The following PCNT variants were observed in gnomAD, a reference collection of about 807,000 sequenced individuals.
PCNT encodes the protein pericentrin.
PCNT carries 319 observed loss-of-function variants against 380.4 expected under a neutral mutation model. The observed-to-expected ratio is 0.84, with a 90% confidence interval of 0.77 to 0.92. The LOEUF is 0.92. PCNT is among the 40% of genes least tolerant of loss of function. The probability of loss-of-function intolerance (pLI) is 0.00; values close to 1 mark genes in which losing one functional copy is unlikely to be tolerated. For synonymous variants in PCNT, 1,845 were observed against 1,735.2 expected, an observed-to-expected ratio of 1.06 and a Z score of -1.57; for missense variants, 4,400 against 4,255.3, an observed-to-expected ratio of 1.03 and a Z score of -0.95.
At position 46,431,831 on chromosome 21, in the gene PCNT, T is replaced by C. The variant is rs2087776876; in HGVS notation, c.8367T>C (p.Ala2789=). 1 of 1,613,742 alleles carries C rather than the reference T, an allele frequency of 6.2e-7. No individual in the cohort carries two copies. Among genetic ancestry groups the C allele is most frequent in the Non-Finnish European group, 8.5e-7 (1 of 1,180,026 alleles). Residue 2789 remains alanine, a synonymous_variant, in exon 38 of 47, where the codon GCT becomes GCC. Transcript: ENST00000359568. Reference sequence around the variant, plus strand: ...ACCAGGACACACAGGCCCATCACGCTCTGCTGCAGAAGCTGAAGGAGGAGA... The same window carrying C: ...ACCAGGACACACAGGCCCATCACGCCCTGCTGCAGAAGCTGAAGGAGGAGA... ...CVHQDTQAHH[A]LLQKLKEEKS... is the part of the protein sequence containing the mutation.
At chr21:46,326,713 T>C (rs1295957709) in intron 2 of PCNT, 124 bp downstream of exon 2, 2 of 1,101,376 alleles carry the variant, frequency 1.8e-6, no homozygotes, top group African/African-American at 3.1e-5. Flanking sequence ...GGGTGTTATT[T>C]TAGTTTATAA....
At chr21:46,349,660 A>G (rs1180980603) in intron 7 of PCNT, 24 bp from the exon 8 acceptor site, 1 of 1,612,518 alleles carries the variant, frequency 6.2e-7, no homozygotes, top group Non-Finnish European at 8.5e-7. Context: ...TTGTAAACCA[A>G]GTGCCATTGC....
At chr21:46,351,377 G>C (rs1311255244) in intron 8 of PCNT, 52 bp from the exon 9 acceptor site, 1 of 936,610 alleles carries the variant, frequency 1.1e-6, no homozygotes, top group Admixed American at 1.7e-5. Flanking sequence ...CACTGCTGGG[G>C]TGGGGGCCTT....
chr21:46,331,243 A>T (rs921760887), intron 2 of PCNT, among the ~76,000 whole-genome samples: 15 of 152,058 alleles, frequency 9.9e-5, no homozygotes, highest in African/African-American at 3.6e-4. Context: ...TTCAGCCTTG[A>T]CCTCCCTGAC....
At chr21:46,362,108 C>T (rs1170361330) in intron 13 of PCNT, among the ~76,000 whole-genome samples, 1 of 152,210 alleles carries the variant, frequency 6.6e-6, no homozygotes, top group Non-Finnish European at 1.5e-5. Flanking sequence ...TCCCCTGCGT[C>T]TGTGCTGGGC....
chr21:46,343,916 A>G (rs1294502352), intron 3 of PCNT, among the ~76,000 whole-genome samples: 4 of 152,138 alleles, frequency 2.6e-5, no homozygotes, highest in African/African-American at 4.8e-5. Context: ...AAAGGTGTTC[A>G]TAGTGGCCTT....
chr21:46,397,985 T>A, intron 22 of PCNT, 29 bp from the exon 23 acceptor site: 1 of 1,530,648 alleles, frequency 6.5e-7, no homozygotes, highest in Non-Finnish European at 8.8e-7. Flanking sequence ...CCCGTTGGGG[T>A]GGTCCCAACA....
rs1333848489 is a variant in PCNT at position 46,387,563 on chromosome 21, G to A, written c.3465-1179G>A. On this transcript the variant is annotated intron_variant, in intron 17 of 46. Coordinates refer to ENST00000359568, the MANE Select transcript of PCNT (RefSeq NM_006031.6). ...GCTGCAGACGCCCTGATGCCTGCAG[G>A]AGTTGGGCATTTTGGGGGGTGGAAG... 3.3e-5 allele frequency among the ~76,000 whole-genome samples: 5 copies of A among 152,216 alleles called. No homozygotes were observed. The South Asian group carries it at 6.2e-4, about 19-fold the overall frequency.
chr21:46,429,762 C>T (rs1601182457), intron 35 of PCNT, among the ~76,000 whole-genome samples: 1 of 151,998 alleles, frequency 6.6e-6, no homozygotes, highest in African/African-American at 2.4e-5. Flanking sequence ...TAGGATGGCC[C>T]CAGGGCTATA....
chr21:46,335,168 A>G (rs1202001301), intron 3 of PCNT, among the ~76,000 whole-genome samples: 1 of 152,066 alleles, frequency 6.6e-6, no homozygotes. Flanking sequence ...TAGGCCTGGT[A>G]CCTCGTTTCT....
At chr21:46,352,476 C>T (rs1036155789) in intron 9 of PCNT, among the ~76,000 whole-genome samples, 1 of 152,156 alleles carries the variant, frequency 6.6e-6, no homozygotes, top group African/African-American at 2.4e-5. Flanking sequence ...TCTGTCCTGC[C>T]TCTCGGGACC....
chr21:46,370,509 G>T (rs2085082731), intron 15 of PCNT, among the ~76,000 whole-genome samples: 1 of 152,090 alleles, frequency 6.6e-6, no homozygotes, highest in Non-Finnish European at 1.5e-5. Context: ...GAGCCTGGGG[G>T]CTGACAGGGG....
intron 29 of PCNT, among the ~76,000 whole-genome samples, chr21:46,413,826 T>C (rs949541577): frequency 5.3e-5 from 8 of 152,176 alleles, no homozygotes; most frequent in African/African-American, 1.9e-4. Context: ...ACCTTGACCA[T>C]CTCAAATTGT....
intron 5 of PCNT, among the ~76,000 whole-genome samples, 171 bp downstream of exon 5, chr21:46,347,169 C>T (rs544257165): frequency 7.6e-4 from 116 of 152,300 alleles, no homozygotes; most frequent in Non-Finnish European, 1.3e-3. Flanking sequence ...AAAGGGGGCC[C>T]TTGGGTTTTT....
rs572321857 is a variant in PCNT at position 46,427,765 on chromosome 21, C to T, written c.7464C>T (p.Leu2488=). 5.0e-6 allele frequency: 8 copies of T among 1,613,632 alleles called. No homozygotes were observed. The highest frequency in any genetic ancestry group is 4.0e-5 in the African/African-American group (3 of 75,018). The change falls in exon 34 of 47, where the codon CTC becomes CTT. Residue 2488 remains leucine, a synonymous_variant. Coordinates refer to ENST00000359568, the MANE Select transcript of PCNT (RefSeq NM_006031.6). ...GSDLGGHSSL[L]ERLEKIIREQ... Reference sequence around the variant, plus strand: ...ATCTGGGGGGTCACAGCTCCCTGCTCGAAAGGCTGGAGAAGATCATCCGTG... The same window carrying T: ...ATCTGGGGGGTCACAGCTCCCTGCTTGAAAGGCTGGAGAAGATCATCCGTG...
Position 46,430,065 on chromosome 21 carries a change from G to A in PCNT, c.7746G>A (p.Gln2582=). ...EQEKCIAGDL[Q]KTLSEEQEKA... ...AGAAGTGCATTGCTGGTGACTTGCA[G>A]AAGACGCTGAGTGAAGAGCAAGAGA... The change falls in exon 36 of 47, where the codon CAG becomes CAA. Residue 2582 remains glutamine (Q), a synonymous_variant. Transcript: ENST00000359568. 1 of 1,614,242 alleles carries A rather than the reference G, an allele frequency of 6.2e-7. No homozygotes were observed. The highest frequency in any genetic ancestry group is 8.5e-7 in the Non-Finnish European group (1 of 1,180,036).
intron 29 of PCNT, 115 bp from the exon 30 acceptor site, chr21:46,415,954 T>C (rs1447138851): frequency 5.4e-6 from 5 of 917,620 alleles, no homozygotes; most frequent in Non-Finnish European, 8.7e-6. Flanking sequence ...CAGGGCTCAT[T>C]GTGGAATCAC....
At position 46,411,848 on chromosome 21, in the gene PCNT, G is replaced by A. The variant is rs570258132; in HGVS notation, c.5775G>A (p.Gln1925=). 4 of 1,558,634 alleles carry A rather than the reference G, an allele frequency of 2.6e-6. No homozygotes were observed. The South Asian group carries it at 4.6e-5, about 18-fold the overall frequency. ...CCGAGCTGCAGTGGCTCCGAGCGCA[G>A]TGTGCCCGCCTCAGCCGCCAGCTGC... ...APPELQWLRA[Q]CARLSRQLQV... Residue 1925 remains glutamine (Q), a synonymous_variant, in exon 28 of 47, where the codon CAG becomes CAA. Coordinates refer to ENST00000359568, the MANE Select transcript of PCNT (RefSeq NM_006031.6).
Position 46,388,695 on chromosome 21 carries a change from C to G in PCNT, c.3465-47C>G. ...CTCAGCAGCATCCAGGGTGGGGGTTCTTATGCCGTGACCAGCTTGCCTGAT... is the reference window on the plus strand; with the variant it reads ...CTCAGCAGCATCCAGGGTGGGGGTTGTTATGCCGTGACCAGCTTGCCTGAT... On this transcript the variant is annotated intron_variant, in intron 17 of 46. Transcript: ENST00000359568. The surrounding 1 kb of genome is among the most constrained non-coding windows in gnomAD (Gnocchi z 4.2). 6.2e-7 allele frequency: 1 copy of G among 1,610,474 alleles called. No individual in the cohort carries two copies. The highest frequency in any genetic ancestry group is 8.5e-7 in the Non-Finnish European group (1 of 1,179,650).
Sources: allele counts gnomAD v4.1 joint callset (sites outside exome capture counted in the v4.1 genomes callset), GRCh38; gene constraint gnomAD v4.1.1; non-coding constraint Gnocchi (gnomAD v3.1); transcripts MANE v1.5; gene names NCBI Gene and HGNC (gene_info 2026-07-23, HGNC 2026-07-21).